SLC24A2: variants seen among roughly 807,000 people sequenced by gnomAD.
SLC24A2 encodes solute carrier family 24 member 2.
In SLC24A2, 36 loss-of-function variants were observed where a neutral mutation model predicts 62.0. The ratio of observed to expected loss-of-function variants is 0.58; its 90% CI spans 0.44 to 0.77. The LOEUF (loss-of-function observed/expected upper bound fraction) is 0.77. Ranked by LOEUF, SLC24A2 falls within the 30% of genes least tolerant of loss-of-function variation. The pLI is 0.00. For synonymous variants in SLC24A2, 358 were observed against 294.0 expected (o/e 1.22, Z -2.23); for missense variants, 846 against 817.9 (o/e 1.03, Z -0.42).
rs1467634509 is a variant in SLC24A2, at chr9:19,510,638, C to G, written c.*5515G>C. 2 of 152,120 alleles carry G rather than the reference C, an allele frequency of 1.3e-5. No individual in the cohort carries two copies. The highest frequency in any genetic ancestry group is 1.9e-4 in the East Asian group (1 of 5,182). 9.4% of individuals were successfully genotyped at this position (152,120 alleles called of 1,614,324 possible). A position where few individuals can be genotyped will look rare whatever the true frequency, so the allele number is the denominator to read the frequency against. The stretch of plus-strand genomic sequence containing the variant: ...ACAAACCCTCTTAATGGAATTAAAT[C>G]TTTGGTGGAAGCCTAGGCAAACTCC... On this transcript the variant is annotated 3_prime_UTR_variant, in exon 11 of 11. Transcript: ENST00000341998.
the SLC24A2 span, among the ~76,000 whole-genome samples, chr9:19,839,063 A>C: frequency 6.6e-6 from 1 of 152,226 alleles, no homozygotes; most frequent in African/African-American, 2.4e-5. Flanking sequence ...AAACAACACC[A>C]TCAAAAAGGG....
At chr9:19,521,114 A>C (rs1378744857) in intron 9 of SLC24A2, 54 bp from the exon 10 acceptor site, 1 of 1,555,452 alleles carries the variant, frequency 6.4e-7, no homozygotes, top group Non-Finnish European at 8.9e-7. Context: ...CAAAATCATA[A>C]AAATCACAAA....
At chr9:19,701,242 G>A (rs757274791) in intron 2 of SLC24A2, among the ~76,000 whole-genome samples, 5 of 152,212 alleles carry the variant, frequency 3.3e-5, no homozygotes, top group Non-Finnish European at 5.9e-5. Context: ...GATTAAAAAG[G>A]AAGAGGCAGA....
At chr9:19,828,229 G>T in the SLC24A2 span, among the ~76,000 whole-genome samples, 4 of 152,002 alleles carry the variant, frequency 2.6e-5, no homozygotes, top group African/African-American at 9.7e-5. Context: ...GCACAACAGA[G>T]TGACCATCGT....
At chr9:20,250,669 AT>A in the SLC24A2 span, among the ~76,000 whole-genome samples, 20,583 of 151,800 alleles carry the variant, frequency 0.14, 2,272 homozygotes, top group East Asian at 0.51. Flanking sequence ...GGAACAGCCA[AT>A]TCACCTCCAG....
the SLC24A2 span, among the ~76,000 whole-genome samples, chr9:19,837,772 T>C: frequency 6.6e-6 from 1 of 151,848 alleles, no homozygotes; most frequent in Non-Finnish European, 1.5e-5. Context: ...TATATACCAA[T>C]AACAGACAAA....
At chr9:19,956,555 C>T in the SLC24A2 span, among the ~76,000 whole-genome samples, 1 of 152,122 alleles carries the variant, frequency 6.6e-6, no homozygotes, top group African/African-American at 2.4e-5. Context: ...GGAGGCCTCA[C>T]AATTGTGATG....
chr9:20,202,100 C>T, the SLC24A2 span, among the ~76,000 whole-genome samples: 2 of 145,762 alleles, frequency 1.4e-5, no homozygotes, highest in African/African-American at 5.1e-5. Context: ...TGTGTTCACA[C>T]TCTAAACCTG....
At chr9:20,182,732 C>T in the SLC24A2 span, among the ~76,000 whole-genome samples, 74 of 152,034 alleles carry the variant, frequency 4.9e-4, no homozygotes, top group East Asian at 9.9e-3. Flanking sequence ...TGTATACCTA[C>T]GTAACAAACC....
intron 2 of SLC24A2, among the ~76,000 whole-genome samples, chr9:19,624,433 G>GA (rs374261113): frequency 2.0e-5 from 3 of 149,328 alleles, no homozygotes; most frequent in East Asian, 1.9e-4. Context: ...ATTAAGGAAG[G>GA]AAAAAAAAAT....
At chr9:19,799,599 G>A in the SLC24A2 span, among the ~76,000 whole-genome samples, 1 of 152,172 alleles carries the variant, frequency 6.6e-6, no homozygotes, top group African/African-American at 2.4e-5. Flanking sequence ...AAAATCTATA[G>A]ATCCTCTGCA....
chr9:19,509,678 A>G lies in SLC24A2; in HGVS notation c.*6475T>C, dbSNP rs1196400659. 1.3e-5 allele frequency: 2 copies of G among 152,212 alleles called. No individual in the cohort carries two copies. The highest frequency in any genetic ancestry group is 4.8e-5 in the African/African-American group (2 of 41,456). 9.4% of individuals were successfully genotyped at this position (152,212 alleles called of 1,614,324 possible). A position where few individuals can be genotyped will look rare whatever the true frequency, so the allele number is the denominator to read the frequency against. The stretch of plus-strand genomic sequence containing the variant: ...AATTTATGCATGTAATTTCATCCTT[A>G]AAATAATTTTATTCAGGATTTCAGA... On this transcript the variant is annotated 3_prime_UTR_variant, in exon 11 of 11. Coordinates refer to ENST00000341998, the MANE Select transcript of SLC24A2 (RefSeq NM_020344.4).
At chr9:20,139,367 G>A in the SLC24A2 span, among the ~76,000 whole-genome samples, 2 of 152,190 alleles carry the variant, frequency 1.3e-5, no homozygotes, top group African/African-American at 4.8e-5. Context: ...GGGGATGGCA[G>A]CAATATATAC....
At chr9:19,560,897 GTATA>G (rs1194433228) in intron 7 of SLC24A2, among the ~76,000 whole-genome samples, 22 of 128,574 alleles carry the variant, frequency 1.7e-4, no homozygotes, top group South Asian at 2.6e-4. Context: ...GTGTGTGTGT[GTATA>G]TATATATATA....
chr9:20,015,152 G>A, the SLC24A2 span, among the ~76,000 whole-genome samples: 3 of 152,178 alleles, frequency 2.0e-5, no homozygotes, highest in Admixed American at 6.5e-5. Context: ...ATTCTCTTGT[G>A]TCCCATCTTC....
At chr9:20,279,537 A>C in the SLC24A2 span, among the ~76,000 whole-genome samples, 1 of 152,370 alleles carries the variant, frequency 6.6e-6, no homozygotes, top group South Asian at 2.1e-4. Context: ...GTCTTAAAAA[A>C]TAAACAAAAA....
At chr9:19,553,787 G>T (rs1027979476) in intron 7 of SLC24A2, among the ~76,000 whole-genome samples, 9 of 152,220 alleles carry the variant, frequency 5.9e-5, no homozygotes, top group Non-Finnish European at 2.9e-5. Context: ...AGGAGTCTTG[G>T]ATTTAAAAGG....
chr9:19,541,362 G>A (rs1306600895), intron 8 of SLC24A2, among the ~76,000 whole-genome samples: 5 of 151,196 alleles, frequency 3.3e-5, no homozygotes, highest in African/African-American at 4.8e-5. Context: ...CTTTGATGAT[G>A]GTGATGTACA....
At chr9:20,228,331 C>T in the SLC24A2 span, among the ~76,000 whole-genome samples, 1 of 152,036 alleles carries the variant, frequency 6.6e-6, no homozygotes, top group Admixed American at 6.6e-5. Context: ...TCTGTTCCAG[C>T]TCTCACTCAA....
Sources: allele counts gnomAD v4.1 joint callset (sites outside exome capture counted in the v4.1 genomes callset), GRCh38; gene constraint gnomAD v4.1.1; transcripts MANE v1.5; gene names NCBI Gene and HGNC (gene_info 2026-07-23, HGNC 2026-07-21).